FAM227B: variants seen among roughly 807,000 people sequenced by gnomAD.
FAM227B encodes family with sequence similarity 227 member B.
FAM227B carries 88 observed loss-of-function variants against 73.8 expected under a neutral mutation model. The observed-to-expected ratio is 1.19, with a 90% CI of 1.00 to 1.42. The LOEUF (loss-of-function observed/expected upper bound fraction) is 1.42. Ranked by LOEUF, FAM227B falls within the 40% of genes most tolerant of loss-of-function variation. FAM227B has a pLI of 0.00. For missense variants in FAM227B, 632 were observed against 590.9 expected (o/e 1.07, Z -0.72); for synonymous variants, 210 against 190.5 (o/e 1.10, Z -0.84).
At chr15:49,535,108 GA>G (rs2060912285) in intron 10 of FAM227B, among the ~76,000 whole-genome samples, 1 of 151,406 alleles carries the variant, frequency 6.6e-6, no homozygotes, top group Non-Finnish European at 1.5e-5. Context: ...AAAGCAAATA[GA>G]AAATAGAAAA....
At chr15:49,554,387 T>C (rs1426059257) in intron 9 of FAM227B, among the ~76,000 whole-genome samples, 1 of 152,156 alleles carries the variant, frequency 6.6e-6, no homozygotes, top group African/African-American at 2.4e-5. Flanking sequence ...AGAGTCGCAG[T>C]CCTTATGGCC....
intron 13 of FAM227B, among the ~76,000 whole-genome samples, chr15:49,337,729 C>T (rs537757873): frequency 2.0e-5 from 3 of 151,470 alleles, no homozygotes; most frequent in East Asian, 3.9e-4. Flanking sequence ...TCCATGTGTT[C>T]TCATTGTTCA....
intron 13 of FAM227B, chr15:49,366,036 T>TA: frequency 2.5e-6 from 2 of 808,052 alleles, no homozygotes; most frequent in South Asian, 2.7e-5. Context: ...GACTAAAAGT[T>TA]AGATATTCTT....
chr15:49,523,072 A>C (rs1677876981), intron 10 of FAM227B, among the ~76,000 whole-genome samples: 1 of 152,214 alleles, frequency 6.6e-6, no homozygotes, highest in Non-Finnish European at 1.5e-5. Flanking sequence ...TTAAGAGCAG[A>C]TGTAGAGAAG....
chr15:49,428,388 G>A (rs1205676894), intron 11 of FAM227B, among the ~76,000 whole-genome samples: 1 of 151,942 alleles, frequency 6.6e-6, no homozygotes, highest in African/African-American at 2.4e-5. Flanking sequence ...TTTCTCTGCA[G>A]AAGAAGAAGA....
At chr15:49,441,948 G>A (rs1443405721) in intron 11 of FAM227B, among the ~76,000 whole-genome samples, 3 of 151,168 alleles carry the variant, frequency 2.0e-5, no homozygotes, top group Non-Finnish European at 3.0e-5. Flanking sequence ...ATAATTATTT[G>A]TATATGTCTG....
chr15:49,546,055 C>T (rs897670290), intron 9 of FAM227B, among the ~76,000 whole-genome samples: 1 of 151,566 alleles, frequency 6.6e-6, no homozygotes, highest in Non-Finnish European at 1.5e-5. Context: ...TGTGCTGCAC[C>T]CATTAACTCG....
At chr15:49,536,056 A>C (rs2060987871) in intron 10 of FAM227B, among the ~76,000 whole-genome samples, 1 of 141,284 alleles carries the variant, frequency 7.1e-6, no homozygotes, top group South Asian at 2.4e-4. Context: ...TGGAAGTACT[A>C]GCAAGGGCAA....
chr15:49,457,467 G>C (rs1429914973), intron 11 of FAM227B, among the ~76,000 whole-genome samples: 7 of 151,888 alleles, frequency 4.6e-5, no homozygotes, highest in East Asian at 1.9e-4. Flanking sequence ...CAAGAGGACT[G>C]AACTTTTCAG....
chr15:49,440,078 T>G (rs2051493631), intron 11 of FAM227B, among the ~76,000 whole-genome samples: 1 of 151,828 alleles, frequency 6.6e-6, no homozygotes, highest in African/African-American at 2.4e-5. Flanking sequence ...ATGAGGGAAC[T>G]GAGTCACGAA....
At chr15:49,549,549 C>T (rs993107852) in intron 9 of FAM227B, among the ~76,000 whole-genome samples, 3 of 151,976 alleles carry the variant, frequency 2.0e-5, no homozygotes, top group African/African-American at 7.3e-5. Flanking sequence ...GCATGCTGCC[C>T]TCAAGCATCT....
chr15:49,432,584 G>C (rs2050714896), intron 11 of FAM227B, among the ~76,000 whole-genome samples: 1 of 151,510 alleles, frequency 6.6e-6, no homozygotes. Context: ...ATTGTCTAAG[G>C]ATCTATCTTT....
At chr15:49,490,319 C>T (rs980513178) in intron 11 of FAM227B, among the ~76,000 whole-genome samples, 1 of 151,824 alleles carries the variant, frequency 6.6e-6, no homozygotes, top group Non-Finnish European at 1.5e-5. Flanking sequence ...AAAGTTCTCC[C>T]TCCCCCACCA....
At chr15:49,536,709 T>C (rs1333468079) in intron 10 of FAM227B, among the ~76,000 whole-genome samples, 2 of 151,962 alleles carry the variant, frequency 1.3e-5, no homozygotes, top group Non-Finnish European at 2.9e-5. Flanking sequence ...GGTATTGGCA[T>C]GAACACCGAC....
At chr15:49,328,764 G>C in intron 15 of FAM227B, 89 bp from the exon 16 acceptor site, 2 of 1,412,762 alleles carry the variant, frequency 1.4e-6, no homozygotes, top group Non-Finnish European at 1.8e-6. Flanking sequence ...CAGTTATCAA[G>C]AGACTAAGGA....
At chr15:49,388,494 T>A (rs1174353109) in intron 11 of FAM227B, among the ~76,000 whole-genome samples, 3 of 151,954 alleles carry the variant, frequency 2.0e-5, no homozygotes, top group African/African-American at 7.2e-5. Context: ...TCAAGATGAA[T>A]CAATGAGTCA....
intron 11 of FAM227B, among the ~76,000 whole-genome samples, chr15:49,406,229 CCAG>C (rs200026980): frequency 5.3e-5 from 8 of 151,958 alleles, no homozygotes; most frequent in African/African-American, 1.7e-4. Context: ...TTCACACATG[CCAG>C]CAGCAGCAGC....
At chr15:49,549,923 C>G (rs1489198443) in intron 9 of FAM227B, among the ~76,000 whole-genome samples, 1 of 122,616 alleles carries the variant, frequency 8.2e-6, no homozygotes, top group East Asian at 2.4e-4. Context: ...TGACCCCCCC[C>G]ACCTCCCTCC....
intron 14 of FAM227B, 156 bp from the exon 15 acceptor site, chr15:49,332,005 T>G (rs1290699034): frequency 1.6e-6 from 1 of 606,690 alleles, no homozygotes; most frequent in Non-Finnish European, 2.9e-6. Context: ...CTGAAGTAGG[T>G]ACTCCTATTA....
Sources: gnomAD v4.1 joint callset for allele counts (sites outside exome capture counted in the v4.1 genomes callset) on GRCh38, gnomAD v4.1.1 for gene constraint, MANE v1.5 for transcripts, NCBI Gene and HGNC (gene_info 2026-07-23, HGNC 2026-07-21) for gene names.